Variants in KCNT1 observed in about 807,000 individuals in gnomAD.
KCNT1 encodes potassium channel subfamily T member 1.
In KCNT1, 78 loss-of-function variants were observed where a neutral mutation model predicts 147.8. The observed-to-expected ratio is 0.53, with a 90% CI of 0.44 to 0.64. KCNT1 has a LOEUF of 0.64. Ranked by LOEUF, KCNT1 falls within the 30% of genes least tolerant of loss-of-function variation. The probability of loss-of-function intolerance (pLI) is 0.00; values close to 1 mark genes in which losing one functional copy is unlikely to be tolerated. For missense variants in KCNT1, 1,419 were observed against 1,750.3 expected, an observed-to-expected ratio of 0.81 and a Z score of 3.38; for synonymous variants, 867 against 748.8, an observed-to-expected ratio of 1.16 and a Z score of -2.58.
chr9:135,792,308 A>G lies in KCNT1; in HGVS notation c.*147A>G. The G allele has an allele frequency of 3.7e-6, 4 of 1,083,382 alleles. No homozygotes were observed. Among genetic ancestry groups the G allele is most frequent in the Non-Finnish European group, 3.8e-6 (3 of 782,972 alleles). 67.1% of individuals were successfully genotyped at this position (1,083,382 alleles called of 1,614,324 possible). A position where few individuals can be genotyped will look rare whatever the true frequency, so the allele number is the denominator to read the frequency against. On this transcript the variant is annotated 3_prime_UTR_variant, in exon 31 of 31. Coordinates refer to ENST00000371757, the MANE Select transcript of KCNT1 (RefSeq NM_020822.3). ...CTCCTGGGACTCCACCCTGGAAAGG[A>G]GCCCCTCATGCGGGGGGAGGGCCAG...
At chr9:135,746,584 T>C (rs976534060) in intron 2 of KCNT1, among the ~76,000 whole-genome samples, 2 of 152,220 alleles carry the variant, frequency 1.3e-5, no homozygotes, top group African/African-American at 4.8e-5. Context: ...GGGGGACGCA[T>C]TGGCTTCGTG....
chr9:135,758,541 G>A, intron 10 of KCNT1, 33 bp downstream of exon 10: 1 of 1,569,086 alleles, frequency 6.4e-7, no homozygotes, highest in Non-Finnish European at 8.8e-7. Flanking sequence ...AGCACCCCAG[G>A]ACGTTGGGAG....
chr9:135,749,018 A>G (rs1193360510), intron 2 of KCNT1, among the ~76,000 whole-genome samples: 1 of 152,210 alleles, frequency 6.6e-6, no homozygotes, highest in East Asian at 1.9e-4. Context: ...TTAGGGGGAC[A>G]TGTGCTCCCC....
In KCNT1 at chr9:135,765,135, C is replaced by T. The variant is rs1190796781; in HGVS notation, c.1140C>T (p.Ser380=). The part of the protein sequence containing the change: ...TEKHVVLCVS[S]LKIDLLMDFL... ...AGCACGTGGTCCTGTGTGTCAGCTCCCTCAAGATCGACCTTCTCATGGACT... is the reference window on the plus strand; with the variant it reads ...AGCACGTGGTCCTGTGTGTCAGCTCTCTCAAGATCGACCTTCTCATGGACT... The change falls in exon 12 of 31, where the codon TCC becomes TCT. Residue 380 remains serine (S), a synonymous_variant. Transcript: ENST00000371757. 6.2e-7 allele frequency: 1 copy of T among 1,613,582 alleles called. No homozygotes were observed.
chr9:135,765,779 A>C lies in KCNT1; in HGVS notation c.1337+19A>C. On this transcript the variant is annotated intron_variant, in intron 13 of 30. Coordinates refer to ENST00000371757, the MANE Select transcript of KCNT1 (RefSeq NM_020822.3). Reference sequence around the variant, plus strand: ...GAGCCAAGTGAGTGCTGGTGGGCGGAGGGGGTGGCATGGGGGCACCTTCCT... The same window carrying C: ...GAGCCAAGTGAGTGCTGGTGGGCGGCGGGGGTGGCATGGGGGCACCTTCCT... The C allele has an allele frequency of 1.2e-6, 1 of 832,348 alleles. No homozygotes were observed. Among genetic ancestry groups the C allele is most frequent in the Non-Finnish European group, 1.9e-6 (1 of 534,302 alleles). 51.6% of individuals were successfully genotyped at this position (832,348 alleles called of 1,614,324 possible). A position where few individuals can be genotyped will look rare whatever the true frequency, so the allele number is the denominator to read the frequency against.
At chr9:135,722,965 C>T (rs918115706) in intron 2 of KCNT1, among the ~76,000 whole-genome samples, 2 of 152,216 alleles carry the variant, frequency 1.3e-5, no homozygotes, top group African/African-American at 4.8e-5. Flanking sequence ...GGAAATCCTC[C>T]GGGGGATTAA....
chr9:135,754,569 G>C (rs1831367498), intron 5 of KCNT1, among the ~76,000 whole-genome samples: 1 of 152,206 alleles, frequency 6.6e-6, no homozygotes, highest in African/African-American at 2.4e-5. Flanking sequence ...CCCAGTGCCT[G>C]AGCCCCTGTC....
intron 4 of KCNT1, chr9:135,753,718 A>C (rs1831320794): frequency 1.7e-6 from 1 of 597,416 alleles, no homozygotes. Context: ...CCAGCCCAGC[A>C]TTCCTCAGTT....
chr9:135,744,853 A>G (rs750984438), intron 2 of KCNT1, among the ~76,000 whole-genome samples: 18 of 152,196 alleles, frequency 1.2e-4, no homozygotes, highest in African/African-American at 3.6e-4. Flanking sequence ...GCACATGCCC[A>G]TGAGTCTCAC....
rs777479133 is a variant in KCNT1, at chr9:135,775,387, C to A, written c.2321C>A (p.Ala774Asp). The A allele has an allele frequency of 6.2e-7, 1 of 1,611,230 alleles. No individual in the cohort carries two copies. ...CTGTGCCACCTCCTGCCTGTGAAAG[C>A]CCCCTTCTGCTGCCTGCGGCTGGAC... ...PTLCHLLPVK[A>D]PFCCLRLDKG... Residue 774 changes from alanine (A) to aspartate (D), a missense_variant, in exon 20 of 31, where the codon GCC becomes GAC. Ala to Asp is a moderately radical substitution (Grantham distance 126). Coordinates refer to ENST00000371757, the MANE Select transcript of KCNT1 (RefSeq NM_020822.3).
At chr9:135,727,045 CT>C in intron 2 of KCNT1, among the ~76,000 whole-genome samples, 1 of 58,450 alleles carries the variant, frequency 1.7e-5, no homozygotes, top group Non-Finnish European at 3.6e-5. Flanking sequence ...CATTCTCTCT[CT>C]CTCTCCCTCT....
chr9:135,756,778 G>A (rs1831506695), intron 6 of KCNT1, 95 bp from the exon 7 acceptor site: 2 of 989,198 alleles, frequency 2.0e-6, no homozygotes, highest in East Asian at 2.4e-5. Context: ...ACACACACCT[G>A]GCTTTGTGTG....
intron 2 of KCNT1, among the ~76,000 whole-genome samples, chr9:135,723,983 C>T (rs1301771028): frequency 6.6e-6 from 1 of 152,222 alleles, no homozygotes; most frequent in Non-Finnish European, 1.5e-5. Flanking sequence ...GCCACCTTCA[C>T]TCTGAGCCCG....
intron 24 of KCNT1, among the ~76,000 whole-genome samples, chr9:135,782,628 A>G (rs1277884703): frequency 6.6e-6 from 1 of 152,198 alleles, no homozygotes; most frequent in African/African-American, 2.4e-5. Flanking sequence ...GCAGGAGGAA[A>G]TCTCTGGAAG....
At chr9:135,760,196 T>C (rs1831822344) in intron 11 of KCNT1, among the ~76,000 whole-genome samples, 2 of 151,986 alleles carry the variant, frequency 1.3e-5, no homozygotes, top group Non-Finnish European at 2.9e-5. Context: ...CCATTTCCCA[T>C]CCACAGCCAG....
rs1832220041 is a variant in KCNT1 at position 135,765,729 on chromosome 9, G to A, written c.1306G>A (p.Ala436Thr). 1 of 1,605,746 alleles carries A rather than the reference G, an allele frequency of 6.2e-7. No homozygotes were observed. Among genetic ancestry groups the A allele is most frequent in the African/African-American group, 1.3e-5 (1 of 74,930 alleles). ...SQRVIYLQGS[A>T]LKDQDLMRAK... ...GCGGGTCATCTACCTCCAGGGCTCT[G>A]CACTCAAAGACCAGGACCTCATGCG... The change falls in exon 13 of 31, where the codon GCA (alanine) becomes ACA (threonine). Residue 436 changes from alanine to threonine, a missense_variant. Ala to Thr is a moderately conservative substitution (Grantham distance 58, BLOSUM62 0). Transcript: ENST00000371757.
intron 4 of KCNT1, 60 bp from the exon 5 acceptor site, chr9:135,753,877 C>G (rs777642373): frequency 1.1e-5 from 17 of 1,589,816 alleles, no homozygotes; most frequent in Non-Finnish European, 1.5e-5. Context: ...CCTCGGGCAG[C>G]AAGTCCTTGC....
rs530954673 is a variant in KCNT1 at position 135,705,827 on chromosome 9, G to A, written c.110+3459G>A. 1.7e-3 allele frequency among the ~76,000 whole-genome samples: 255 copies of A among 152,182 alleles called. 1 individual carries two copies. The highest frequency in any genetic ancestry group is 5.6e-3 in the African/African-American group (232 of 41,526). On this transcript the variant is annotated intron_variant, in intron 1 of 30. Transcript: ENST00000371757. Reference sequence around the variant, plus strand: ...AGGGGACAGTGGCAGGGCAGAGGCCGCGAGCTTCCTGGGGTAGGTCCCTGG... The same window carrying A: ...AGGGGACAGTGGCAGGGCAGAGGCCACGAGCTTCCTGGGGTAGGTCCCTGG...
intron 2 of KCNT1, among the ~76,000 whole-genome samples, chr9:135,733,960 CT>C (rs933297985): frequency 4.0e-5 from 6 of 151,238 alleles, no homozygotes; most frequent in Admixed American, 1.3e-4. Flanking sequence ...TCCCTCCCCC[CT>C]AGTCCTTCAG....
Sources: allele counts gnomAD v4.1 joint callset (sites outside exome capture counted in the v4.1 genomes callset), GRCh38; gene constraint gnomAD v4.1.1; transcripts MANE v1.5; gene names NCBI Gene and HGNC (gene_info 2026-07-23, HGNC 2026-07-21).